The following PHKB variants were observed in gnomAD, a reference collection of about 807,000 sequenced individuals.
PHKB encodes the protein phosphorylase b kinase regulatory subunit beta.
PHKB carries 122 observed loss-of-function variants against 152.1 expected under a neutral mutation model. The ratio of observed to expected loss-of-function variants is 0.80; its 90% CI spans 0.69 to 0.93. PHKB has a LOEUF of 0.93. PHKB is among the 40% of genes least tolerant of loss of function. The pLI, the probability that PHKB is intolerant of heterozygous loss-of-function variation, is 0.00. For synonymous variants in PHKB, 436 were observed against 464.9 expected, an observed-to-expected ratio of 0.94 and a Z score of 0.80; for missense variants, 1,304 against 1,328.4, an observed-to-expected ratio of 0.98 and a Z score of 0.29.
At chr16:47,668,848 A>G (rs1431850146) in intron 25 of PHKB, among the ~76,000 whole-genome samples, 1 of 152,230 alleles carries the variant, frequency 6.6e-6, no homozygotes, top group African/African-American at 2.4e-5. Flanking sequence ...AATTGTGTAG[A>G]CTGCAGTAAA....
At position 47,553,814 on chromosome 16, in the gene PHKB, G is replaced by A. The variant is rs1971317350; in HGVS notation, c.710+6266G>A. 2.0e-5 allele frequency among the ~76,000 whole-genome samples: 3 copies of A among 152,156 alleles called. No homozygotes were observed. The South Asian group carries it at 6.2e-4, about 32-fold the overall frequency. Reference sequence around the variant, plus strand: ...AGGGCCCTCTGCCACAGGTCTGCTGGACTTTGCTGGAGGTCCACTCCAGAC... The same window carrying A: ...AGGGCCCTCTGCCACAGGTCTGCTGAACTTTGCTGGAGGTCCACTCCAGAC... On this transcript the variant is annotated intron_variant, in intron 7 of 30. Transcript: ENST00000323584.
At chr16:47,500,254 G>A (rs767792866) in intron 3 of PHKB, among the ~76,000 whole-genome samples, 5 of 152,020 alleles carry the variant, frequency 3.3e-5, no homozygotes, top group African/African-American at 9.7e-5. Context: ...GGCTGGTCTC[G>A]AAATCTTGAC....
At chr16:47,641,559 A>C in intron 15 of PHKB, 40 bp from the exon 16 acceptor site, 1 of 1,014,174 alleles carries the variant, frequency 9.9e-7, no homozygotes, top group Non-Finnish European at 1.6e-6. Flanking sequence ...CTGTAAATGC[A>C]TTGTCTTAAA....
rs553679065 is a variant in PHKB at position 47,612,131 on chromosome 16, A to C, written c.1458+1211A>C. On this transcript the variant is annotated intron_variant, in intron 14 of 30. Transcript: ENST00000323584. ...TGTACAGTCTGTACTGATTTGAAAT[A>C]CACCATTTTACTTGAAGACATGGCA... Among the ~76,000 whole-genome samples the C allele has an allele frequency of 2.6e-5, 4 of 152,378 alleles. No homozygotes were observed. The South Asian group carries it at 8.3e-4, about 32-fold the overall frequency.
intron 14 of PHKB, among the ~76,000 whole-genome samples, chr16:47,623,557 A>ATT (rs35402802): frequency 8.3e-4 from 72 of 86,250 alleles, no homozygotes; most frequent in African/African-American, 1.2e-3. Flanking sequence ...GACAGTTTTG[A>ATT]TTTTTTTTTT....
At chr16:47,695,968 A>C (rs1974139995) in intron 28 of PHKB, among the ~76,000 whole-genome samples, 1 of 152,198 alleles carries the variant, frequency 6.6e-6, no homozygotes, top group African/African-American at 2.4e-5. Flanking sequence ...CCAGCTCAGA[A>C]AGGAGCTGCC....
chr16:47,567,021 A>G (rs1314209396), intron 7 of PHKB: 1 of 393,612 alleles, frequency 2.5e-6, no homozygotes, highest in Admixed American at 4.2e-5. Flanking sequence ...AAGTCAGGTA[A>G]TGTGATATCT....
At chr16:47,648,712 T>A (rs1478996044) in intron 17 of PHKB, 96 bp downstream of exon 17, 1 of 806,938 alleles carries the variant, frequency 1.2e-6, no homozygotes, top group African/African-American at 1.7e-5. Flanking sequence ...TCATTTTCAT[T>A]ATGTACTCAG....
In PHKB at chr16:47,546,562, C is replaced by G. The variant is rs548746589; in HGVS notation, c.595-871C>G. On this transcript the variant is annotated intron_variant, in intron 6 of 30. Transcript: ENST00000323584. The stretch of plus-strand genomic sequence containing the variant: ...TCTCCAAGTTAGGCTACATGGGGGT[C>G]AGGGACCCACTTGAGGAGGCAGTTT... 1.4e-4 allele frequency among the ~76,000 whole-genome samples: 21 copies of G among 152,298 alleles called. No homozygotes were observed. The South Asian group carries it at 1.9e-3, about 14-fold the overall frequency.
At chr16:47,545,902 T>C (rs940271787) in intron 6 of PHKB, among the ~76,000 whole-genome samples, 5 of 152,240 alleles carry the variant, frequency 3.3e-5, no homozygotes, top group Non-Finnish European at 7.3e-5. Context: ...AGCTTGTGCA[T>C]GTGTCACGTA....
chr16:47,547,266 G>C (rs1971188667), intron 6 of PHKB, among the ~76,000 whole-genome samples, 167 bp from the exon 7 acceptor site: 1 of 152,020 alleles, frequency 6.6e-6, no homozygotes, highest in Non-Finnish European at 1.5e-5. Flanking sequence ...GTATTTTTTA[G>C]TAGAGATGAG....
chr16:47,527,070 A>G (rs189163264), intron 6 of PHKB, among the ~76,000 whole-genome samples: 1 of 152,112 alleles, frequency 6.6e-6, no homozygotes, highest in African/African-American at 2.4e-5. Context: ...CTAGGAAAGC[A>G]CTAAGGGGAT....
chr16:47,605,517 T>A (rs976448209), intron 13 of PHKB, among the ~76,000 whole-genome samples: 1 of 152,250 alleles, frequency 6.6e-6, no homozygotes, highest in African/African-American at 2.4e-5. Context: ...TTCTATAGCA[T>A]GACAGTGAAA....
At chr16:47,677,741 T>C (rs879813787) in intron 26 of PHKB, among the ~76,000 whole-genome samples, 10 of 152,086 alleles carry the variant, frequency 6.6e-5, no homozygotes, top group Non-Finnish European at 1.5e-4. Context: ...CCATAGAATA[T>C]GGCTTAGTTA....
At chr16:47,514,487 G>A (rs1287918790) in intron 5 of PHKB, among the ~76,000 whole-genome samples, 1 of 152,210 alleles carries the variant, frequency 6.6e-6, no homozygotes. Context: ...GGCAGGAGAA[G>A]AAGAGTGTAT....
chr16:47,602,745 G>C (rs12325573), intron 13 of PHKB, among the ~76,000 whole-genome samples: 54,904 of 151,738 alleles, frequency 0.36, 11,768 homozygotes, highest in East Asian at 0.75. Flanking sequence ...TAGCTGGTAA[G>C]GAAATACACA....
chr16:47,522,540 AT>A lies in PHKB; in HGVS notation c.594+6949del, dbSNP rs796125873. On this transcript the variant is annotated intron_variant, in intron 6 of 30. Transcript: ENST00000323584. ...TATTTTTCTCTTCTCCATTTTATTT[AT>A]TTTTTTTTTAGTCTTTATTATTTTT... Among the ~76,000 whole-genome samples, 36 of 141,012 alleles carry A rather than the reference AT, an allele frequency of 2.6e-4. 1 individual carries two copies. Among genetic ancestry groups the A allele is most frequent in the Middle Eastern group, 3.8e-3 (1 of 266 alleles). The allele number at this position is 141,012 out of a possible 152,430, so 92.5% of individuals were successfully genotyped here.
At chr16:47,655,551 T>C (rs1393118467) in intron 20 of PHKB, among the ~76,000 whole-genome samples, 1 of 152,164 alleles carries the variant, frequency 6.6e-6, no homozygotes, top group Non-Finnish European at 1.5e-5. Flanking sequence ...GTGTGGTGAT[T>C]TTCTCTCAAG....
intron 1 of PHKB, among the ~76,000 whole-genome samples, chr16:47,481,507 A>G (rs1296252071): frequency 6.6e-6 from 1 of 152,172 alleles, no homozygotes; most frequent in African/African-American, 2.4e-5. Flanking sequence ...TAATTTGCTG[A>G]TTTAAAAATC....
Sources: allele counts gnomAD v4.1 joint callset (sites outside exome capture counted in the v4.1 genomes callset), GRCh38; gene constraint gnomAD v4.1.1; transcripts MANE v1.5; gene names NCBI Gene and HGNC (gene_info 2026-07-23, HGNC 2026-07-21).